The following FA2H variants were observed in gnomAD, a reference collection of about 807,000 sequenced individuals.
FA2H encodes the protein fatty acid alpha-hydroxylase.
FA2H carries 22 observed loss-of-function variants against 44.9 expected under a neutral mutation model. That is an observed-to-expected ratio of 0.49 (90% CI 0.35 to 0.70). The LOEUF is 0.70. Ranked by LOEUF, FA2H falls within the 30% of genes least tolerant of loss-of-function variation. FA2H has a pLI of 0.01. For missense variants in FA2H, 501 were observed against 504.9 expected (o/e 0.99, Z 0.07); for synonymous variants, 243 against 213.2 (o/e 1.14, Z -1.22).
intron 6 of FA2H, among the ~76,000 whole-genome samples, chr16:74,715,425 G>T (rs1961671954): frequency 1.3e-5 from 2 of 152,024 alleles, no homozygotes; most frequent in Admixed American, 1.3e-4. Context: ...CTAGGTAGCT[G>T]AGATTACAGG....
At chr16:74,725,765 C>CTTGGACT (rs1212191389) in intron 4 of FA2H, among the ~76,000 whole-genome samples, 2 of 152,202 alleles carry the variant, frequency 1.3e-5, no homozygotes, top group Admixed American at 1.3e-4. Flanking sequence ...GAGCCTTTGC[C>CTTGGACT]TTGGACACAC....
intron 2 of FA2H, among the ~76,000 whole-genome samples, chr16:74,731,571 A>T (rs1962072567): frequency 6.6e-6 from 1 of 151,888 alleles, no homozygotes; most frequent in South Asian, 2.1e-4. Context: ...CCCAAGTGGG[A>T]GTGCAGTGGC....
intron 1 of FA2H, among the ~76,000 whole-genome samples, chr16:74,772,370 G>C (rs1320046193): frequency 6.6e-6 from 1 of 152,118 alleles, no homozygotes; most frequent in Non-Finnish European, 1.5e-5. Context: ...CTCTAGATCC[G>C]TACTCTGATA....
chr16:74,769,729 A>G (rs574243918), intron 1 of FA2H, among the ~76,000 whole-genome samples: 11 of 152,292 alleles, frequency 7.2e-5, no homozygotes, highest in African/African-American at 2.6e-4. Context: ...TCGCAGCTCA[A>G]TAAGTGGACT....
rs1647488838 is a variant in FA2H, at chr16:74,713,810, T to C, written c.*380A>G. ...AAGCGAGCTGTGCCGTGCAGGCAGC[T>C]CCTAGGCAGCCCATGAGGCTAAGGC... On this transcript the variant is annotated 3_prime_UTR_variant, in exon 7 of 7. Transcript: ENST00000219368. The C allele has an allele frequency of 4.1e-6, 1 of 241,942 alleles. No homozygotes were observed. The highest frequency in any genetic ancestry group is 4.7e-5 in the Admixed American group (1 of 21,120). 15.0% of individuals were successfully genotyped at this position (241,942 alleles called of 1,614,324 possible).
At chr16:74,752,535 G>T (rs1962545486) in intron 1 of FA2H, among the ~76,000 whole-genome samples, 2 of 152,056 alleles carry the variant, frequency 1.3e-5, no homozygotes, top group African/African-American at 4.8e-5. Context: ...CCAGGGTATT[G>T]GTCCATACAG....
chr16:74,720,180 CTTTTTTTTTTTT>C (rs56341013), intron 4 of FA2H, among the ~76,000 whole-genome samples: 13 of 47,242 alleles, frequency 2.8e-4, no homozygotes, highest in South Asian at 2.4e-3. Flanking sequence ...CATCCTCATC[CTTTTTTTTTTTT>C]TTTTTTTTTT....
At chr16:74,767,798 G>A (rs1311317942) in intron 1 of FA2H, among the ~76,000 whole-genome samples, 1 of 152,210 alleles carries the variant, frequency 6.6e-6, no homozygotes, top group Non-Finnish European at 1.5e-5. Flanking sequence ...CCGAGTTTGT[G>A]ATAATTTGCC....
chr16:74,733,266 C>G (rs1164491767), intron 2 of FA2H, among the ~76,000 whole-genome samples: 1 of 152,242 alleles, frequency 6.6e-6, no homozygotes, highest in African/African-American at 2.4e-5. Context: ...ACCTATAGTT[C>G]TATGACTGGG....
intron 1 of FA2H, among the ~76,000 whole-genome samples, chr16:74,751,129 C>T (rs534137405): frequency 1.2e-4 from 18 of 152,142 alleles, no homozygotes; most frequent in African/African-American, 4.3e-4. Flanking sequence ...GAGTCTCGCT[C>T]TGTCACCCAG....
chr16:74,717,366 G>A (rs1156531420), intron 5 of FA2H, among the ~76,000 whole-genome samples: 1 of 152,186 alleles, frequency 6.6e-6, no homozygotes, highest in Admixed American at 6.5e-5. Context: ...TTCAGACCAG[G>A]AACAACAGGA....
intron 1 of FA2H, among the ~76,000 whole-genome samples, chr16:74,768,166 G>A (rs1181879547): frequency 1.3e-5 from 2 of 152,342 alleles, no homozygotes; most frequent in African/African-American, 2.4e-5. Flanking sequence ...TATTTCCCGG[G>A]AATACTTCCA....
At chr16:74,716,857 T>G in intron 5 of FA2H, 1 of 508,888 alleles carries the variant, frequency 2.0e-6, no homozygotes. Context: ...ATGGGCAGGA[T>G]GGGCAGGATG....
Position 74,716,215 on chromosome 16 carries a change from A to G in FA2H, c.1039+132T>C. ...TGCACAGCTGTCTGCACCAGGGAAG[A>G]GAGTAGAGGGAACCCTCTGTATATG... On this transcript the variant is annotated intron_variant, in intron 6 of 6. Coordinates refer to ENST00000219368, the MANE Select transcript of FA2H (RefSeq NM_024306.5). 4 of 954,180 alleles carry G rather than the reference A, an allele frequency of 4.2e-6. 1 individual carries two copies. The South Asian group carries it at 6.9e-5, about 16-fold the overall frequency. The allele number at this position is 954,180 out of a possible 1,614,324, so 59.1% of individuals were successfully genotyped here. A position where few individuals can be genotyped will look rare whatever the true frequency, so the allele number is the denominator to read the frequency against.
At chr16:74,747,977 A>G (rs868258087) in intron 1 of FA2H, among the ~76,000 whole-genome samples, 32 of 152,292 alleles carry the variant, frequency 2.1e-4, no homozygotes, top group South Asian at 1.4e-3. Context: ...GGAGCCGTGG[A>G]GCCAGGAGTC....
chr16:74,730,932 C>T lies in FA2H; in HGVS notation c.364-3546G>A, dbSNP rs74649588. ...TCTCCTTGATGAGTTGGCCCCTTTA[C>T]CACTGGGAAAGAGCCATCTTGGGCC... On this transcript the variant is annotated intron_variant, in intron 2 of 6. Coordinates refer to ENST00000219368, the MANE Select transcript of FA2H (RefSeq NM_024306.5). Among the ~76,000 whole-genome samples the T allele has an allele frequency of 6.2e-3, 950 of 152,294 alleles. 15 individuals carry two copies. Among genetic ancestry groups the T allele is most frequent in the African/African-American group, 0.022 (917 of 41,562 alleles).
intron 1 of FA2H, among the ~76,000 whole-genome samples, chr16:74,771,253 C>A (rs947125596): frequency 6.6e-6 from 1 of 151,968 alleles, no homozygotes; most frequent in South Asian, 2.1e-4. Context: ...TGCAGTGGTG[C>A]GATCTCAGCT....
At chr16:74,721,886 C>T (rs1274548828) in intron 4 of FA2H, among the ~76,000 whole-genome samples, 1 of 152,228 alleles carries the variant, frequency 6.6e-6, no homozygotes, top group African/African-American at 2.4e-5. Context: ...GGCACGCGGG[C>T]GCTGGATGAT....
chr16:74,756,321 C>T (rs1011113790), intron 1 of FA2H, among the ~76,000 whole-genome samples: 1 of 152,144 alleles, frequency 6.6e-6, no homozygotes, highest in Admixed American at 6.5e-5. Flanking sequence ...ATGCCCGCAT[C>T]CCCTGGCTGA....
Sources: gnomAD v4.1 joint callset for allele counts (sites outside exome capture counted in the v4.1 genomes callset) on GRCh38, gnomAD v4.1.1 for gene constraint, MANE v1.5 for transcripts, NCBI Gene and HGNC (gene_info 2026-07-23, HGNC 2026-07-21) for gene names.